The following NAV3 variants were observed in gnomAD, a reference collection of about 807,000 sequenced individuals.
The protein encoded by NAV3 is neuron navigator 3.
A neutral mutation model predicts 244.7 loss-of-function variants in NAV3; 87 were observed. The ratio of observed to expected loss-of-function variants is 0.36; its 90% CI spans 0.30 to 0.42. The LOEUF (loss-of-function observed/expected upper bound fraction) is 0.42. NAV3 is among the 20% of genes least tolerant of loss of function. NAV3 has a pLI of 1.00. For missense variants in NAV3, 2,663 were observed against 2,893.3 expected (o/e 0.92, Z 1.83); for synonymous variants, 1,126 against 1,042.2 (o/e 1.08, Z -1.55).
intron 2 of NAV3, among the ~76,000 whole-genome samples, chr12:77,611,231 G>A (rs994932244): frequency 2.0e-5 from 3 of 151,818 alleles, no homozygotes; most frequent in Non-Finnish European, 4.4e-5. Context: ...ATCCTGACAA[G>A]CAATTTTGTT....
rs201890315 is a variant in NAV3, at chr12:78,137,229, C to T, written c.4494C>T (p.Arg1498=). The change falls in exon 19 of 40, where the codon CGC becomes CGT. Residue 1498 remains arginine (R), a synonymous_variant. Transcript: ENST00000397909. ...QFNLPGPSMM[R]SNSIPAQDSS... ...ACCTTCCCGGGCCCAGCATGATGCG[C>T]TCAAACAGCATCCCAGCCCAAGACT... 5.6e-6 allele frequency: 9 copies of T among 1,613,470 alleles called. No individual in the cohort carries two copies. The highest frequency in any genetic ancestry group is 1.7e-5 in the Admixed American group (1 of 59,932).
At chr12:78,106,815 A>G (rs1566140306) in intron 12 of NAV3, among the ~76,000 whole-genome samples, 1 of 152,156 alleles carries the variant, frequency 6.6e-6, no homozygotes, top group Non-Finnish European at 1.5e-5. Flanking sequence ...ATAGGCATGT[A>G]GTCAGCCCAC....
At chr12:77,623,872 A>G (rs1313139313) in intron 2 of NAV3, among the ~76,000 whole-genome samples, 1 of 152,240 alleles carries the variant, frequency 6.6e-6, no homozygotes. Context: ...AAAGAAAATA[A>G]GATTACAAAG....
intron 20 of NAV3, chr12:78,143,356 C>CGTG (rs1056345529): frequency 3.6e-4 from 152 of 421,834 alleles, no homozygotes; most frequent in African/African-American, 3.0e-3. Context: ...TAAGGCCAAG[C>CGTG]GCGGTGGCTC....
chr12:78,094,911 G>A (rs1254439953), intron 12 of NAV3, among the ~76,000 whole-genome samples: 1 of 151,782 alleles, frequency 6.6e-6, no homozygotes, highest in Admixed American at 6.6e-5. Flanking sequence ...GCTAGGTGTG[G>A]TGGCACGTGC....
Position 78,199,454 on chromosome 12 carries a change from T to C in NAV3, c.6638T>C (p.Ile2213Thr). 1.2e-6 allele frequency: 2 copies of C among 1,610,410 alleles called. No individual in the cohort carries two copies. Among genetic ancestry groups the C allele is most frequent in the Non-Finnish European group, 1.7e-6 (2 of 1,178,470 alleles). Reference protein sequence around the residue: ...RNIRNNDLVKIIDWIPKTWHH... With the variant: ...RNIRNNDLVKTIDWIPKTWHH... Reference sequence around the variant, plus strand: ...ATTCGCAATAATGACCTAGTCAAAATTATAGATTGGATTCCGAAGACGTGG... The same window carrying C: ...ATTCGCAATAATGACCTAGTCAAAACTATAGATTGGATTCCGAAGACGTGG... Residue 2213 changes from isoleucine (I) to threonine (T), a missense_variant, in exon 37 of 40, where the codon ATT becomes ACT. By Grantham distance (89) the Ile-to-Thr change is moderately conservative. Around this residue, in one of 6 missense-constraint regions of NAV3, gnomAD observed 543 missense variants for 672.4 expected, o/e 0.81. Transcript: ENST00000397909.
At position 77,848,775 on chromosome 12, in the gene NAV3, A is replaced by G. The variant is rs143174929; in HGVS notation, c.243+17071A>G. Among the ~76,000 whole-genome samples the G allele has an allele frequency of 8.3e-4, 127 of 152,332 alleles. No homozygotes were observed. The Middle Eastern group carries it at 0.02, about 24-fold the overall frequency. ...GAACAAGATATATGCTACATTTGCC[A>G]TAGGAACTGGAACACTGAATGATTT... On this transcript the variant is annotated intron_variant, in intron 1 of 39. Transcript: ENST00000397909.
At chr12:77,940,895 G>A (rs919212279) in intron 2 of NAV3, among the ~76,000 whole-genome samples, 186 bp from the exon 3 acceptor site, 2 of 151,414 alleles carry the variant, frequency 1.3e-5, no homozygotes, top group African/African-American at 2.4e-5. Context: ...TGCCTGATTT[G>A]TGCATATAGA....
intron 12 of NAV3, among the ~76,000 whole-genome samples, chr12:78,090,147 G>C (rs1007805149): frequency 6.7e-6 from 1 of 150,202 alleles, no homozygotes. Context: ...TCCTCCCCCT[G>C]CCCAAATACA....
chr12:78,133,498 T>C (rs1041842096), intron 18 of NAV3, among the ~76,000 whole-genome samples: 13 of 151,644 alleles, frequency 8.6e-5, no homozygotes, highest in African/African-American at 3.1e-4. Flanking sequence ...ATCAGTAAGA[T>C]ACAGAATTAT....
At chr12:78,054,276 A>C (rs944640250) in intron 11 of NAV3, among the ~76,000 whole-genome samples, 2 of 152,242 alleles carry the variant, frequency 1.3e-5, no homozygotes, top group Admixed American at 6.5e-5. Flanking sequence ...TAATTTTCAG[A>C]ATCAAAGGGA....
At chr12:78,052,854 A>G (rs1882957875) in intron 11 of NAV3, among the ~76,000 whole-genome samples, 1 of 151,960 alleles carries the variant, frequency 6.6e-6, no homozygotes, top group Admixed American at 6.6e-5. Context: ...ATTCAATTTT[A>G]TAATCACTAT....
intron 2 of NAV3, among the ~76,000 whole-genome samples, chr12:77,745,389 C>G (rs1474985341): frequency 6.6e-6 from 1 of 151,880 alleles, no homozygotes; most frequent in Non-Finnish European, 1.5e-5. Flanking sequence ...GGAGCAAAGA[C>G]CAATTGATAG....
chr12:77,576,495 C>G (rs982805386), intron 2 of NAV3, among the ~76,000 whole-genome samples: 3 of 152,078 alleles, frequency 2.0e-5, no homozygotes, highest in South Asian at 4.1e-4. Flanking sequence ...CACCCACTTA[C>G]GATTGCCAGA....
intron 12 of NAV3, among the ~76,000 whole-genome samples, chr12:78,092,461 A>G (rs907886282): frequency 1.9e-5 from 2 of 104,800 alleles, no homozygotes; most frequent in African/African-American, 7.4e-5. Flanking sequence ...AAAGAAACTC[A>G]TTTCACCCTT....
Position 77,729,683 on chromosome 12 carries a change from TGAAA to T in NAV3, c.72+157418_72+157421del, listed in dbSNP as rs561033754. On this transcript the variant is annotated intron_variant, in intron 2 of 8. Coordinates refer to the NAV3 transcript ENST00000550042. The stretch of plus-strand genomic sequence containing the variant: ...TGAAACAAGGAAGAAGAGAGAAGGC[TGAAA>T]TTCTGCAGCAGCAATTCATCTTTCA... 1.9e-3 allele frequency among the ~76,000 whole-genome samples: 287 copies of T among 152,060 alleles called. No homozygotes were observed. The Middle Eastern group carries it at 0.02, about 11-fold the overall frequency.
At chr12:78,042,257 C>A (rs1256856110) in intron 9 of NAV3, among the ~76,000 whole-genome samples, 1 of 152,192 alleles carries the variant, frequency 6.6e-6, no homozygotes, top group East Asian at 1.9e-4. Flanking sequence ...AAGGACACTT[C>A]TGCCCCCAGT....
intron 2 of NAV3, among the ~76,000 whole-genome samples, chr12:77,734,427 A>G (rs928574766): frequency 6.6e-6 from 1 of 152,046 alleles, no homozygotes; most frequent in African/African-American, 2.4e-5. Context: ...TTTGAAGAAA[A>G]TTTTGCAGAT....
At chr12:78,059,960 GAT>G (rs1491587263) in intron 12 of NAV3, among the ~76,000 whole-genome samples, 16 of 127,356 alleles carry the variant, frequency 1.3e-4, no homozygotes, top group African/African-American at 4.0e-4. Flanking sequence ...ATTTCTTAAA[GAT>G]GTGTGTGTGT....
Sources: gnomAD v4.1 joint callset for allele counts (sites outside exome capture counted in the v4.1 genomes callset) on GRCh38, gnomAD v4.1.1 for gene constraint, gnomAD v4.1.1 regional missense constraint, MANE v1.5 for transcripts, NCBI Gene and HGNC (gene_info 2026-07-23, HGNC 2026-07-21) for gene names.